PARD3: variants seen among roughly 807,000 people sequenced by gnomAD.
PARD3 encodes the protein partitioning defective 3 homolog.
In PARD3, 75 loss-of-function variants were observed where a neutral mutation model predicts 155.4. That is an observed-to-expected ratio of 0.48 (90% CI 0.40 to 0.58). The LOEUF (loss-of-function observed/expected upper bound fraction) is 0.58. Among genes scored for constraint, PARD3 ranks in the 20% least tolerant of loss-of-function variants. The probability of loss-of-function intolerance (pLI) is 0.00; values close to 1 mark genes in which losing one functional copy is unlikely to be tolerated. For synonymous variants in PARD3, 576 were observed against 610.5 expected (o/e 0.94, Z 0.83); for missense variants, 1,642 against 1,721.7 (o/e 0.95, Z 0.82).
At chr10:34,234,970 G>A (rs1421542016) in intron 22 of PARD3, among the ~76,000 whole-genome samples, 1 of 152,030 alleles carries the variant, frequency 6.6e-6, no homozygotes, top group Non-Finnish European at 1.5e-5. Flanking sequence ...AGTCCATGGC[G>A]GATTCTTTAG....
chr10:34,727,488 A>G (rs2133787473), intron 1 of PARD3, among the ~76,000 whole-genome samples: 1 of 152,344 alleles, frequency 6.6e-6, no homozygotes, highest in East Asian at 1.9e-4. Context: ...GCAAGCACAA[A>G]GAACTACCAC....
chr10:34,741,184 T>TTTTTTTTTTG (rs1374350672), intron 1 of PARD3, among the ~76,000 whole-genome samples: 1 of 136,408 alleles, frequency 7.3e-6, no homozygotes, highest in Non-Finnish European at 1.6e-5. Flanking sequence ...ATTTTTTTTT[T>TTTTTTTTTTG]TTTTTTTTTT....
At chr10:34,746,538 A>G (rs552542153) in intron 1 of PARD3, among the ~76,000 whole-genome samples, 4 of 152,334 alleles carry the variant, frequency 2.6e-5, no homozygotes, top group African/African-American at 9.6e-5. Context: ...TTAAGATTCT[A>G]TGTACTTTTG....
chr10:34,195,223 T>G (rs1950885434), intron 22 of PARD3, among the ~76,000 whole-genome samples: 1 of 152,242 alleles, frequency 6.6e-6, no homozygotes, highest in South Asian at 2.1e-4. Flanking sequence ...TAATCCTAAC[T>G]TCAAGACAAA....
chr10:34,181,605 G>C (rs745795243), intron 22 of PARD3, among the ~76,000 whole-genome samples: 8 of 152,080 alleles, frequency 5.3e-5, no homozygotes, highest in Admixed American at 6.5e-5. Context: ...TACATACACA[G>C]TTTTCTATTC....
chr10:34,223,340 A>G (rs557770666), intron 22 of PARD3, among the ~76,000 whole-genome samples: 2 of 152,316 alleles, frequency 1.3e-5, no homozygotes, highest in Admixed American at 6.5e-5. Flanking sequence ...AAAAGACATG[A>G]TGGCCAAAAG....
intron 2 of PARD3, among the ~76,000 whole-genome samples, chr10:34,675,431 A>T (rs999298714): frequency 6.6e-6 from 1 of 152,226 alleles, no homozygotes; most frequent in Non-Finnish European, 1.5e-5. Flanking sequence ...GGATGCATGA[A>T]TTTCAACCAT....
intron 2 of PARD3, among the ~76,000 whole-genome samples, chr10:34,582,102 T>C (rs1480358695): frequency 2.6e-5 from 4 of 152,254 alleles, no homozygotes; most frequent in Non-Finnish European, 1.5e-5. Context: ...TGTGAATTTA[T>C]TGCCAATTCA....
intron 2 of PARD3, among the ~76,000 whole-genome samples, chr10:34,623,695 G>A (rs2091823447): frequency 6.6e-6 from 1 of 151,646 alleles, no homozygotes; most frequent in Non-Finnish European, 1.5e-5. Context: ...CAATGTCAGT[G>A]CAGGGCCAGG....
At chr10:34,157,315 G>A (rs1342786627) in intron 22 of PARD3, among the ~76,000 whole-genome samples, 2 of 152,188 alleles carry the variant, frequency 1.3e-5, no homozygotes, top group African/African-American at 2.4e-5. Flanking sequence ...CGTTGTAGCT[G>A]TTTGTTTACT....
chr10:34,680,226 C>T (rs1338242914), intron 2 of PARD3, among the ~76,000 whole-genome samples: 5 of 152,132 alleles, frequency 3.3e-5, no homozygotes, highest in Non-Finnish European at 7.4e-5. Context: ...AAACCCAATG[C>T]TTTAGGACAC....
chr10:34,286,021 CA>C (rs1956370776), intron 20 of PARD3, among the ~76,000 whole-genome samples: 1 of 152,220 alleles, frequency 6.6e-6, no homozygotes, highest in South Asian at 2.1e-4. Context: ...CCACATTTCA[CA>C]AGGTATAAAA....
intron 22 of PARD3, among the ~76,000 whole-genome samples, chr10:34,194,655 C>T (rs1727829014): frequency 6.8e-6 from 1 of 147,652 alleles, no homozygotes; most frequent in African/African-American, 2.5e-5. Context: ...CTTTTTTTTC[C>T]CCTCCATGTT....
intron 2 of PARD3, among the ~76,000 whole-genome samples, chr10:34,637,501 G>A (rs774747204): frequency 2.4e-4 from 36 of 152,188 alleles, no homozygotes; most frequent in Non-Finnish European, 5.0e-4. Flanking sequence ...CAGAGGCTCC[G>A]AGAATTTCCC....
intron 22 of PARD3, among the ~76,000 whole-genome samples, chr10:34,163,238 C>T (rs534932234): frequency 5.1e-4 from 77 of 152,138 alleles, no homozygotes; most frequent in African/African-American, 1.8e-3. Context: ...GTGTTCCCGG[C>T]CACTCCACAG....
chr10:34,637,562 G>A (rs775683968), intron 2 of PARD3, among the ~76,000 whole-genome samples: 21 of 152,284 alleles, frequency 1.4e-4, no homozygotes, highest in Non-Finnish European at 2.5e-4. Context: ...GGGTTTCAGC[G>A]TTCAGTAATA....
At chr10:34,366,998 G>C (rs1456029399) in intron 12 of PARD3, among the ~76,000 whole-genome samples, 4 of 152,092 alleles carry the variant, frequency 2.6e-5, no homozygotes, top group African/African-American at 4.8e-5. Context: ...AATACATTTT[G>C]AAAGACTTTT....
At chr10:34,689,689 A>T (rs2094014825) in intron 2 of PARD3, among the ~76,000 whole-genome samples, 2 of 152,208 alleles carry the variant, frequency 1.3e-5, no homozygotes, top group Admixed American at 1.3e-4. Context: ...TAGAAAATAT[A>T]TTTTTTATTA....
chr10:34,589,822 T>A (rs1321924363), intron 2 of PARD3, among the ~76,000 whole-genome samples: 3 of 152,030 alleles, frequency 2.0e-5, no homozygotes, highest in African/African-American at 7.3e-5. Flanking sequence ...TGGCCTTACA[T>A]CAGAATACTC....
Sources: allele counts gnomAD v4.1 joint callset (sites outside exome capture counted in the v4.1 genomes callset), GRCh38; gene constraint gnomAD v4.1.1; transcripts MANE v1.5; gene names NCBI Gene and HGNC (gene_info 2026-07-23, HGNC 2026-07-21).